ABTB3: variants seen among roughly 807,000 people sequenced by gnomAD.
ABTB3 encodes ankyrin repeat- and BTB/POZ domain-containing protein 3.
At chr12:107,357,267 T>C in the ABTB3 span, among the ~76,000 whole-genome samples, 1 of 152,212 alleles carries the variant, frequency 6.6e-6, no homozygotes, top group Admixed American at 6.5e-5. Flanking sequence ...AACTGCTCCG[T>C]TGTGGGCATC....
chr12:107,649,662 C>G, the ABTB3 span: 4 of 193,290 alleles, frequency 2.1e-5, no homozygotes, highest in African/African-American at 9.3e-5. Flanking sequence ...GACGTCTTCT[C>G]CCTTGTCACT....
chr12:107,334,597 C>T, the ABTB3 span, among the ~76,000 whole-genome samples: 2 of 151,892 alleles, frequency 1.3e-5, no homozygotes, highest in Non-Finnish European at 2.9e-5. Flanking sequence ...GTTAACTAGG[C>T]CATTGGATAC....
the ABTB3 span, among the ~76,000 whole-genome samples, chr12:107,517,164 G>T: frequency 1.5e-3 from 235 of 152,254 alleles, no homozygotes; most frequent in Non-Finnish European, 2.7e-3. Flanking sequence ...GTTTGTCAAA[G>T]ATCAGATGGT....
At chr12:107,398,926 T>G in the ABTB3 span, among the ~76,000 whole-genome samples, 1 of 152,178 alleles carries the variant, frequency 6.6e-6, no homozygotes, top group African/African-American at 2.4e-5. Context: ...TGTATGATCC[T>G]AGACAAGCTA....
chr12:107,612,735 C>G, the ABTB3 span: 1 of 1,537,744 alleles, frequency 6.5e-7, no homozygotes, highest in East Asian at 2.4e-5. Context: ...TGACCACAGC[C>G]ACCTTGTAAA....
the ABTB3 span, among the ~76,000 whole-genome samples, chr12:107,512,112 C>T: frequency 1.3e-5 from 2 of 152,166 alleles, no homozygotes; most frequent in South Asian, 2.1e-4. Flanking sequence ...TTCTGTTTAC[C>T]CACCAGCCAT....
chr12:107,379,375 G>A, the ABTB3 span, among the ~76,000 whole-genome samples: 1 of 152,068 alleles, frequency 6.6e-6, no homozygotes, highest in Non-Finnish European at 1.5e-5. Flanking sequence ...ATGGGGGTGG[G>A]TTTTTCCTGT....
At chr12:107,468,786 TG>T in the ABTB3 span, among the ~76,000 whole-genome samples, 214 of 152,210 alleles carry the variant, frequency 1.4e-3, no homozygotes, top group Non-Finnish European at 2.3e-3. Context: ...TCGAGTGCTA[TG>T]AAAAAAATGG....
At chr12:107,346,754 C>T in the ABTB3 span, among the ~76,000 whole-genome samples, 11 of 152,152 alleles carry the variant, frequency 7.2e-5, no homozygotes, top group Non-Finnish European at 1.6e-4. Flanking sequence ...CCACCATGCC[C>T]GGTGAGTCTG....
At chr12:107,550,341 C>T in the ABTB3 span, among the ~76,000 whole-genome samples, 15 of 152,192 alleles carry the variant, frequency 9.9e-5, no homozygotes, top group Non-Finnish European at 1.5e-4. Flanking sequence ...TCTCTCACCA[C>T]CCATATCAGC....
At chr12:107,341,146 C>T in the ABTB3 span, among the ~76,000 whole-genome samples, 151 of 152,250 alleles carry the variant, frequency 9.9e-4, 1 homozygote, top group African/African-American at 3.4e-3. Flanking sequence ...TGCTGTCTCC[C>T]GCAATAGCTG....
the ABTB3 span, among the ~76,000 whole-genome samples, chr12:107,655,819 G>T: frequency 6.6e-6 from 1 of 152,176 alleles, no homozygotes; most frequent in African/African-American, 2.4e-5. Context: ...CCCTTTCAGG[G>T]TGTCTCTTGA....
the ABTB3 span, among the ~76,000 whole-genome samples, chr12:107,378,198 C>T: frequency 6.6e-6 from 1 of 152,214 alleles, no homozygotes; most frequent in Non-Finnish European, 1.5e-5. Context: ...CCCTTAACCA[C>T]TTTCTTTGGC....
the ABTB3 span, among the ~76,000 whole-genome samples, chr12:107,323,246 G>A: frequency 1.8e-4 from 28 of 152,144 alleles, no homozygotes. Context: ...GAGTAGCTGG[G>A]ACTACAGGCA....
chr12:107,423,295 T>A, the ABTB3 span, among the ~76,000 whole-genome samples: 2 of 152,254 alleles, frequency 1.3e-5, no homozygotes, highest in African/African-American at 2.4e-5. Context: ...AAAATGTAAT[T>A]GTAGCAAAGA....
At chr12:107,370,032 G>A in the ABTB3 span, among the ~76,000 whole-genome samples, 3 of 152,130 alleles carry the variant, frequency 2.0e-5, no homozygotes, top group Non-Finnish European at 4.4e-5. Context: ...GTATCGCCTA[G>A]GAATTCTGTA....
the ABTB3 span, chr12:107,319,928 G>C: frequency 1.3e-6 from 2 of 1,490,532 alleles, no homozygotes; most frequent in South Asian, 2.7e-5. Flanking sequence ...GGCAGCCGCC[G>C]CCAACCACCA....
the ABTB3 span, among the ~76,000 whole-genome samples, chr12:107,335,286 CAAAAAAAAAAAAAAAAAAAA>C: frequency 0.017 from 325 of 18,644 alleles, 7 homozygotes; most frequent in African/African-American, 0.042. Flanking sequence ...GACCTTGTCT[CAAAAAAAAAAAAAAAAAAAA>C]AAAAAAAAAA....
chr12:107,482,920 C>CTT, the ABTB3 span, among the ~76,000 whole-genome samples: 1 of 35,636 alleles, frequency 2.8e-5, no homozygotes, highest in African/African-American at 1.7e-4. Flanking sequence ...CTTCTTCTTT[C>CTT]TTTCTTTCTT....
Sources: allele counts gnomAD v4.1 joint callset (sites outside exome capture counted in the v4.1 genomes callset), GRCh38; gene constraint gnomAD v4.1.1; transcripts MANE v1.5; gene names NCBI Gene and HGNC (gene_info 2026-07-23, HGNC 2026-07-21).